Variants in HMCN1 observed in about 807,000 individuals in gnomAD.
The protein encoded by HMCN1 is hemicentin-1.
In HMCN1, 321 loss-of-function variants were observed where a neutral mutation model predicts 625.9. The observed-to-expected ratio is 0.51, with a 90% CI of 0.47 to 0.56. The LOEUF (loss-of-function observed/expected upper bound fraction) is 0.56, where lower values mean the gene tolerates loss of function less well. Ranked by LOEUF, HMCN1 falls within the 20% of genes least tolerant of loss-of-function variation. HMCN1 has a pLI of 0.00. For missense variants in HMCN1, 6,588 were observed against 6,887.3 expected (o/e 0.96, Z 1.54); for synonymous variants, 2,425 against 2,417.6 (o/e 1.00, Z -0.09).
At chr1:185,781,524 T>C (rs558086203) in intron 1 of HMCN1, among the ~76,000 whole-genome samples, 1 of 152,226 alleles carries the variant, frequency 6.6e-6, no homozygotes, top group Non-Finnish European at 1.5e-5. Context: ...TTTAAATGTG[T>C]CCTGGCAATT....
chr1:186,005,443 T>A lies in HMCN1; in HGVS notation c.4475+1599T>A, dbSNP rs896301539. Reference sequence around the variant, plus strand: ...ATAAACAAGTTTTTAATTGTTTAAATTGTTTATAAATGTTTATAAACAAGT... The same window carrying A: ...ATAAACAAGTTTTTAATTGTTTAAAATGTTTATAAATGTTTATAAACAAGT... On this transcript the variant is annotated intron_variant, in intron 29 of 106. Coordinates refer to ENST00000271588, the MANE Select transcript of HMCN1 (RefSeq NM_031935.3). Among the ~76,000 whole-genome samples, 6 of 149,420 alleles carry A rather than the reference T, an allele frequency of 4.0e-5. No individual in the cohort carries two copies. In the East Asian group the frequency reaches 1.2e-3, roughly 29 times the overall value.
At chr1:185,742,909 A>G (rs1654082989) in intron 1 of HMCN1, among the ~76,000 whole-genome samples, 1 of 152,206 alleles carries the variant, frequency 6.6e-6, no homozygotes, top group African/African-American at 2.4e-5. Flanking sequence ...TTGGTAAATC[A>G]GATATTTTAA....
chr1:186,103,619 A>AAGTGCAAACTCTAGGAGG lies in HMCN1; in HGVS notation c.10724_10741dup (p.Val3575_Gly3580dup). The AAGTGCAAACTCTAGGAGG allele has an allele frequency of 6.2e-7, 1 of 1,613,908 alleles. No individual in the cohort carries two copies. The highest frequency in any genetic ancestry group is 8.5e-7 in the Non-Finnish European group (1 of 1,179,840). The stretch of plus-strand genomic sequence containing the variant: ...GGCCGGCCCCTTCCACAGACGGATC[A>AAGTGCAAACTCTAGGAGG]AGTGCAAACTCTAGGAGGAGGAGAG... On this transcript the variant is annotated inframe_insertion, in exon 69 of 107. Transcript: ENST00000271588.
In HMCN1 at chr1:186,153,770, T is replaced by G. The variant is rs1265647346; in HGVS notation, c.15039T>G (p.Ile5013Met). 21 of 1,614,116 alleles carry G rather than the reference T, an allele frequency of 1.3e-5. No individual in the cohort carries two copies. The highest frequency in any genetic ancestry group is 1.6e-5 in the Non-Finnish European group (19 of 1,179,974). Residue 5013 changes from isoleucine to methionine, a missense_variant, in exon 97 of 107, where the codon ATT becomes ATG. Coordinates refer to ENST00000271588, the MANE Select transcript of HMCN1 (RefSeq NM_031935.3). ...VTVKDYTEDY[I>M]QTGPGQLYAY... ...CTTAGGATTACACAGAGGACTACAT[T>G]CAAACAGGTCCTGGGCAGCTGTACG...
chr1:185,802,429 A>G (rs1658862669), intron 1 of HMCN1, among the ~76,000 whole-genome samples: 3 of 152,204 alleles, frequency 2.0e-5, no homozygotes, highest in Non-Finnish European at 4.4e-5. Flanking sequence ...ACTGAGGCCC[A>G]TTGGCATGGA....
intron 1 of HMCN1, among the ~76,000 whole-genome samples, chr1:185,754,841 C>T (rs1159097056): frequency 3.9e-5 from 6 of 152,018 alleles, no homozygotes; most frequent in African/African-American, 1.4e-4. Context: ...GAGTGAGACC[C>T]TGTCTCAAAA....
At chr1:185,806,137 T>C (rs1347231708) in intron 1 of HMCN1, among the ~76,000 whole-genome samples, 1 of 152,078 alleles carries the variant, frequency 6.6e-6, no homozygotes, top group African/African-American at 2.4e-5. Context: ...AGTTCTAAGT[T>C]CTTTCATTTA....
intron 1 of HMCN1, among the ~76,000 whole-genome samples, chr1:185,813,762 A>T (rs1436110164): frequency 6.6e-6 from 1 of 152,176 alleles, no homozygotes; most frequent in Non-Finnish European, 1.5e-5. Flanking sequence ...ACTTGTTTTC[A>T]CTTATTTTTA....
chr1:185,870,154 A>G (rs574087835), intron 4 of HMCN1, among the ~76,000 whole-genome samples: 10 of 152,248 alleles, frequency 6.6e-5, no homozygotes, highest in African/African-American at 2.4e-4. Context: ...AAATCACTGT[A>G]TGGTATTACA....
At chr1:186,035,770 G>A (rs1365049960) in intron 36 of HMCN1, among the ~76,000 whole-genome samples, 1 of 151,602 alleles carries the variant, frequency 6.6e-6, no homozygotes, top group Non-Finnish European at 1.5e-5. Context: ...GCATTTCATG[G>A]GCTAATATCT....
intron 25 of HMCN1, 88 bp downstream of exon 25, chr1:185,997,612 A>C: frequency 1.1e-6 from 1 of 895,942 alleles, no homozygotes; most frequent in Non-Finnish European, 1.9e-6. Flanking sequence ...TCCTTATAAA[A>C]TTCCACATCA....
At chr1:186,117,343 C>T in intron 76 of HMCN1, 116 bp from the exon 77 acceptor site, 3 of 1,278,834 alleles carry the variant, frequency 2.3e-6, no homozygotes, top group Non-Finnish European at 3.3e-6. Flanking sequence ...AATCCCTTTT[C>T]TACTTACCTA....
chr1:186,048,649 A>C, intron 41 of HMCN1, 94 bp from the exon 42 acceptor site: 2 of 789,428 alleles, frequency 2.5e-6, no homozygotes, highest in Non-Finnish European at 4.4e-6. Flanking sequence ...GTGAATCTTC[A>C]GAATAAAAAT....
At chr1:186,064,853 G>A (rs993960212) in intron 48 of HMCN1, among the ~76,000 whole-genome samples, 7 of 147,902 alleles carry the variant, frequency 4.7e-5, no homozygotes, top group African/African-American at 1.2e-4. Flanking sequence ...AGCTGTTCAC[G>A]AATAATAGTT....
At chr1:186,170,476 T>C (rs980948521) in intron 100 of HMCN1, among the ~76,000 whole-genome samples, 1 of 152,218 alleles carries the variant, frequency 6.6e-6, no homozygotes, top group Non-Finnish European at 1.5e-5. Context: ...TAAATCATTC[T>C]ACTATAAAGA....
intron 18 of HMCN1, among the ~76,000 whole-genome samples, chr1:185,982,759 G>A (rs1311342934): frequency 1.3e-5 from 2 of 151,854 alleles, no homozygotes; most frequent in African/African-American, 2.4e-5. Flanking sequence ...TAATTTTCTT[G>A]AGTAAGAAGT....
Position 185,898,885 on chromosome 1 carries a change from TA to T in HMCN1, c.622-10438del, listed in dbSNP as rs566386597. On this transcript the variant is annotated intron_variant, in intron 4 of 106. Coordinates refer to ENST00000271588, the MANE Select transcript of HMCN1 (RefSeq NM_031935.3). ...CACCATTGACTGGTCTTCAGACAGC[TA>T]AAAAAAAAAAAAATCAGACATTGAT... Among the ~76,000 whole-genome samples the T allele has an allele frequency of 9.9e-3, 1,395 of 141,474 alleles. 7 individuals carry two copies. The highest frequency in any genetic ancestry group is 0.018 in the African/African-American group (716 of 39,616). 92.8% of individuals were successfully genotyped at this position (141,474 alleles called of 152,430 possible).
chr1:186,032,039 A>C (rs1027531215), intron 36 of HMCN1, among the ~76,000 whole-genome samples: 28 of 145,404 alleles, frequency 1.9e-4, no homozygotes, highest in Non-Finnish European at 3.3e-4. Flanking sequence ...TATTTGTTAC[A>C]AAAAAAAAAC....
chr1:185,744,965 G>A (rs1654286965), intron 1 of HMCN1, among the ~76,000 whole-genome samples: 1 of 152,136 alleles, frequency 6.6e-6, no homozygotes, highest in African/African-American at 2.4e-5. Flanking sequence ...GAAACATTGA[G>A]GGGACTTGGG....
Sources: allele counts gnomAD v4.1 joint callset (sites outside exome capture counted in the v4.1 genomes callset), GRCh38; gene constraint gnomAD v4.1.1; transcripts MANE v1.5; gene names NCBI Gene and HGNC (gene_info 2026-07-23, HGNC 2026-07-21).